The following ARIH1 variants were observed in gnomAD, a reference collection of about 807,000 sequenced individuals.
ARIH1 encodes E3 ubiquitin-protein ligase ARIH1.
In ARIH1, 8 loss-of-function variants were observed where a neutral mutation model predicts 85.0. That is an observed-to-expected ratio of 0.09 (90% CI 0.06 to 0.17). The LOEUF is 0.17. Ranked by LOEUF, ARIH1 falls within the 10% of genes least tolerant of loss-of-function variation. The pLI is 1.00. For synonymous variants in ARIH1, 238 were observed against 253.6 expected (o/e 0.94, Z 0.59); for missense variants, 311 against 718.1 (o/e 0.43, Z 6.48).
chr15:72,546,009 A>G (rs1222469874), intron 3 of ARIH1, among the ~76,000 whole-genome samples: 3 of 152,194 alleles, frequency 2.0e-5, no homozygotes, highest in Non-Finnish European at 4.4e-5. Context: ...TTACTATATA[A>G]CAAGTCTTTG....
intron 1 of ARIH1, among the ~76,000 whole-genome samples, chr15:72,509,957 G>A (rs1488863403): frequency 1.4e-4 from 21 of 150,718 alleles, no homozygotes; most frequent in Admixed American, 1.4e-3. Flanking sequence ...CCAGGCTAGA[G>A]TGCAGTGACT....
chr15:72,479,331 T>C (rs1202147804), intron 1 of ARIH1, among the ~76,000 whole-genome samples: 1 of 152,144 alleles, frequency 6.6e-6, no homozygotes, highest in Non-Finnish European at 1.5e-5. Context: ...CCTGGGACTA[T>C]TGAATGTGAG....
chr15:72,484,884 T>C (rs2063831698), intron 1 of ARIH1, among the ~76,000 whole-genome samples: 1 of 152,106 alleles, frequency 6.6e-6, no homozygotes, highest in African/African-American at 2.4e-5. Context: ...ATTGTACTGC[T>C]ACAAATGGCG....
chr15:72,476,295 C>T (rs1471213324), intron 1 of ARIH1, among the ~76,000 whole-genome samples: 5 of 152,138 alleles, frequency 3.3e-5, no homozygotes, highest in African/African-American at 9.7e-5. Context: ...AGTGCCATTA[C>T]TAAATAGTGG....
At chr15:72,519,483 T>G (rs202237934) in intron 2 of ARIH1, among the ~76,000 whole-genome samples, 2,122 of 120,992 alleles carry the variant, frequency 0.018, 58 homozygotes, top group Admixed American at 0.063. Context: ...TTGTTTTTTT[T>G]TTTTTTTTTT....
intron 7 of ARIH1, among the ~76,000 whole-genome samples, chr15:72,564,904 T>C (rs548160140): frequency 6.6e-6 from 1 of 152,244 alleles, no homozygotes; most frequent in East Asian, 1.9e-4. Flanking sequence ...CTCCACATCC[T>C]AATACTGTCA....
intron 1 of ARIH1, among the ~76,000 whole-genome samples, chr15:72,486,643 A>G (rs2063838422): frequency 6.6e-6 from 1 of 151,574 alleles, no homozygotes. Context: ...CTGCTCTGGC[A>G]AATCAGCTTT....
chr15:72,583,074 C>G, intron 13 of ARIH1, 134 bp from the exon 14 acceptor site: 1 of 617,212 alleles, frequency 1.6e-6, no homozygotes, highest in South Asian at 2.1e-5. Flanking sequence ...GAACATGTGC[C>G]TATTAAAATA....
chr15:72,491,011 G>T (rs539619518), intron 1 of ARIH1, among the ~76,000 whole-genome samples: 304 of 152,286 alleles, frequency 2.0e-3, no homozygotes, highest in African/African-American at 7.0e-3. Flanking sequence ...AGCTACTCGG[G>T]AGGCTGAGGC....
chr15:72,513,374 T>C (rs1469185809), intron 1 of ARIH1, among the ~76,000 whole-genome samples: 1 of 152,184 alleles, frequency 6.6e-6, no homozygotes, highest in African/African-American at 2.4e-5. Context: ...GTAAATATTT[T>C]ACCTTCTCAA....
At chr15:72,544,376 T>G (rs2064120037) in intron 2 of ARIH1, among the ~76,000 whole-genome samples, 1 of 152,204 alleles carries the variant, frequency 6.6e-6, no homozygotes, top group Admixed American at 6.5e-5. Context: ...AAATACAGCC[T>G]ACCCATGTAA....
intron 11 of ARIH1, among the ~76,000 whole-genome samples, chr15:72,577,502 A>C (rs769790330): frequency 1.3e-5 from 2 of 151,746 alleles, no homozygotes; most frequent in Middle Eastern, 6.8e-3. Flanking sequence ...GTGAAACCCT[A>C]TCTCTACTAA....
chr15:72,475,126 C>G, intron 1 of ARIH1, 112 bp downstream of exon 1: 1 of 1,447,632 alleles, frequency 6.9e-7, no homozygotes, highest in African/African-American at 1.5e-5. Context: ...TAGCCCGGTG[C>G]CTCCCGGCCT....
chr15:72,594,900 T>G lies in ARIH1; in HGVS notation c.*11608T>G, dbSNP rs2064357795. On this transcript the variant is annotated 3_prime_UTR_variant, in exon 14 of 14. Transcript: ENST00000379887. ...TTAACGTGTGGTGAGAGCAGACACC[T>G]TGCCTTGTTTTCTTAATCTTAGGGA... 7.0e-6 allele frequency: 1 copy of G among 141,894 alleles called. No homozygotes were observed. Among genetic ancestry groups the G allele is most frequent in the Non-Finnish European group, 1.5e-5 (1 of 66,238 alleles). 8.8% of individuals were successfully genotyped at this position (141,894 alleles called of 1,614,324 possible).
intron 2 of ARIH1, among the ~76,000 whole-genome samples, chr15:72,531,264 T>C (rs966224666): frequency 5.0e-5 from 7 of 140,970 alleles, no homozygotes; most frequent in East Asian, 2.1e-4. Context: ...TTTTTATTTA[T>C]TTATTTATTT....
At chr15:72,579,375 G>T (rs570201410) in intron 11 of ARIH1, among the ~76,000 whole-genome samples, 40 of 152,134 alleles carry the variant, frequency 2.6e-4, no homozygotes, top group East Asian at 2.3e-3. Context: ...TCAGTGGTTG[G>T]GGGGGGAGCC....
chr15:72,560,237 CTAAT>C (rs960800548), intron 5 of ARIH1, among the ~76,000 whole-genome samples: 2 of 152,128 alleles, frequency 1.3e-5, no homozygotes, highest in Admixed American at 1.3e-4. Context: ...AGATAACTGT[CTAAT>C]TAAAATTATG....
At position 72,583,747 on chromosome 15, in the gene ARIH1, T is replaced by C. The variant is rs1204207485; in HGVS notation, c.*455T>C. 6.5e-6 allele frequency: 1 copy of C among 153,150 alleles called. No homozygotes were observed. The highest frequency in any genetic ancestry group is 2.4e-5 in the African/African-American group (1 of 41,456). 9.5% of individuals were successfully genotyped at this position (153,150 alleles called of 1,614,324 possible). ...ACACCCACACACAGACTGACTCTCTTTCTCTCATACCCCAAGGTCATGAGT... is the reference window on the plus strand; with the variant it reads ...ACACCCACACACAGACTGACTCTCTCTCTCTCATACCCCAAGGTCATGAGT... On this transcript the variant is annotated 3_prime_UTR_variant, in exon 14 of 14. Transcript: ENST00000379887.
chr15:72,549,863 T>A (rs1198481204), intron 3 of ARIH1, among the ~76,000 whole-genome samples: 1 of 152,168 alleles, frequency 6.6e-6, no homozygotes, highest in Non-Finnish European at 1.5e-5. Context: ...GATGTATTTG[T>A]GATATAAACA....
Sources: allele counts gnomAD v4.1 joint callset (sites outside exome capture counted in the v4.1 genomes callset), GRCh38; gene constraint gnomAD v4.1.1; transcripts MANE v1.5; gene names NCBI Gene and HGNC (gene_info 2026-07-23, HGNC 2026-07-21).